SGCD: variants seen among roughly 807,000 people sequenced by gnomAD.
SGCD encodes the protein delta-sarcoglycan.
In SGCD, 18 loss-of-function variants were observed where a neutral mutation model predicts 36.6. The observed-to-expected ratio is 0.49, with a 90% CI of 0.34 to 0.73. The LOEUF (loss-of-function observed/expected upper bound fraction) is 0.73. SGCD is among the 30% of genes least tolerant of loss of function. SGCD has a pLI of 0.01. For missense variants in SGCD, 387 were observed against 346.7 expected, an observed-to-expected ratio of 1.12 and a Z score of -0.92; for synonymous variants, 133 against 130.6, an observed-to-expected ratio of 1.02 and a Z score of -0.12.
chr5:156,701,827 A>C (rs1211548338), intron 7 of SGCD, among the ~76,000 whole-genome samples: 1 of 152,048 alleles, frequency 6.6e-6, no homozygotes, highest in Non-Finnish European at 1.5e-5. Flanking sequence ...GTATGTTTAC[A>C]AAAAAAAGCT....
chr5:156,252,210 T>C (rs1439922194), intron 3 of SGCD, among the ~76,000 whole-genome samples: 1 of 152,028 alleles, frequency 6.6e-6, no homozygotes, highest in East Asian at 1.9e-4. Context: ...AATCCCCTCC[T>C]GGGATTACAG....
chr5:156,311,649 CTCCAT>C (rs1767392884), intron 3 of SGCD, among the ~76,000 whole-genome samples: 1 of 152,152 alleles, frequency 6.6e-6, no homozygotes, highest in Non-Finnish European at 1.5e-5. Context: ...GGGCTCTGTG[CTCCAT>C]TACCCTCCTC....
intron 1 of SGCD, among the ~76,000 whole-genome samples, chr5:155,981,017 A>T (rs1476529703): frequency 1.3e-5 from 2 of 152,180 alleles, no homozygotes; most frequent in Non-Finnish European, 2.9e-5. Flanking sequence ...TCTCTGAAGG[A>T]TTCTCTCTGG....
At chr5:155,971,959 T>G (rs1465314739) in intron 1 of SGCD, among the ~76,000 whole-genome samples, 3 of 152,174 alleles carry the variant, frequency 2.0e-5, no homozygotes, top group African/African-American at 7.2e-5. Context: ...AAAAGCACTC[T>G]TCTAAAGCAG....
upstream of SGCD, among the ~76,000 whole-genome samples, chr5:155,865,805 T>C (rs1327875642): frequency 1.3e-5 from 2 of 152,240 alleles, no homozygotes; most frequent in South Asian, 2.1e-4. Flanking sequence ...GTTGCTCACA[T>C]TGGCAGATGT....
intron 3 of SGCD, among the ~76,000 whole-genome samples, chr5:156,221,570 A>C (rs75018250): frequency 0.011 from 1,624 of 151,962 alleles, 26 homozygotes; most frequent in African/African-American, 0.037. Flanking sequence ...TAAAAAAAAA[A>C]CAAAAAACAA....
intron 1 of SGCD, among the ~76,000 whole-genome samples, chr5:155,992,042 C>T (rs1180900002): frequency 6.6e-6 from 1 of 152,208 alleles, no homozygotes; most frequent in African/African-American, 2.4e-5. Context: ...CTTCAAAGCT[C>T]TGAGATCCTC....
At chr5:155,998,653 T>C (rs1439148010) in intron 1 of SGCD, among the ~76,000 whole-genome samples, 2 of 152,226 alleles carry the variant, frequency 1.3e-5, no homozygotes, top group African/African-American at 4.8e-5. Flanking sequence ...TTCGGATGAC[T>C]GCACCTTGCA....
intron 1 of SGCD, among the ~76,000 whole-genome samples, chr5:155,899,451 G>GAAATGC (rs1397254143): frequency 6.6e-6 from 1 of 152,134 alleles, no homozygotes; most frequent in East Asian, 1.9e-4. Context: ...TCTATTTTTA[G>GAAATGC]AAATGCTATT....
At chr5:156,158,379 C>A (rs144798781) in intron 3 of SGCD, among the ~76,000 whole-genome samples, 1 of 151,624 alleles carries the variant, frequency 6.6e-6, no homozygotes, top group East Asian at 1.9e-4. Context: ...TCCATTTTAC[C>A]GGTTAAGAAA....
intron 3 of SGCD, among the ~76,000 whole-genome samples, chr5:156,125,608 C>T (rs530890252): frequency 3.7e-4 from 56 of 151,954 alleles, no homozygotes; most frequent in African/African-American, 1.2e-3. Context: ...CTTTTTTTTA[C>T]AAAGTAGATT....
chr5:156,277,932 T>C (rs1766358053), intron 3 of SGCD, among the ~76,000 whole-genome samples: 1 of 151,992 alleles, frequency 6.6e-6, no homozygotes, highest in South Asian at 2.1e-4. Flanking sequence ...ATCTGAGAAA[T>C]GGACATTACG....
At position 156,723,005 on chromosome 5, in the gene SGCD, A is replaced by G. The variant is rs562062141; in HGVS notation, c.576-34576A>G. On this transcript the variant is annotated intron_variant, in intron 7 of 8. Coordinates refer to ENST00000337851, the MANE Select transcript of SGCD (RefSeq NM_000337.6). Reference sequence around the variant, plus strand: ...TTGTATAATCTTTGCTTGCTAGTAAATTAGACATTTAAAAAACGAATATGC... The same window carrying G: ...TTGTATAATCTTTGCTTGCTAGTAAGTTAGACATTTAAAAAACGAATATGC... Among the ~76,000 whole-genome samples the G allele has an allele frequency of 1.8e-4, 27 of 152,344 alleles. 2 individuals are homozygous for G. In the South Asian group the frequency reaches 5.6e-3, roughly 32 times the overall value.
intron 3 of SGCD, among the ~76,000 whole-genome samples, chr5:156,137,138 T>C (rs1401365791): frequency 6.6e-6 from 1 of 152,194 alleles, no homozygotes; most frequent in East Asian, 1.9e-4. Context: ...CTGAAAACAC[T>C]AAGTGAATTT....
intron 3 of SGCD, among the ~76,000 whole-genome samples, chr5:156,481,653 T>C (rs2127839395): frequency 6.6e-6 from 1 of 152,258 alleles, no homozygotes; most frequent in Admixed American, 6.5e-5. Context: ...TAATAGTACC[T>C]GCCCCCACAG....
chr5:156,330,388 G>C (rs903284040), intron 2 of SGCD, among the ~76,000 whole-genome samples: 1 of 152,162 alleles, frequency 6.6e-6, no homozygotes, highest in Admixed American at 6.5e-5. Flanking sequence ...AGAAATCTTA[G>C]GTCAGGTCCT....
intron 7 of SGCD, among the ~76,000 whole-genome samples, chr5:156,649,375 G>C (rs1311113442): frequency 6.6e-6 from 1 of 152,102 alleles, no homozygotes; most frequent in Admixed American, 6.6e-5. Flanking sequence ...ATACCCAAAG[G>C]ATTATAAATC....
chr5:155,968,820 A>G (rs1271385266), intron 1 of SGCD, among the ~76,000 whole-genome samples: 1 of 152,114 alleles, frequency 6.6e-6, no homozygotes, highest in Non-Finnish European at 1.5e-5. Context: ...CACTAGTTAA[A>G]TGTGTGGGTG....
chr5:156,268,984 G>A (rs1766078959), intron 3 of SGCD, among the ~76,000 whole-genome samples: 1 of 152,008 alleles, frequency 6.6e-6, no homozygotes, highest in Non-Finnish European at 1.5e-5. Context: ...AAAAGTTTCT[G>A]TATTAGTCTG....
Sources: gnomAD v4.1 joint callset for allele counts (sites outside exome capture counted in the v4.1 genomes callset) on GRCh38, gnomAD v4.1.1 for gene constraint, MANE v1.5 for transcripts, NCBI Gene and HGNC (gene_info 2026-07-23, HGNC 2026-07-21) for gene names.